Variants in SLC35A3 observed in about 807,000 individuals in gnomAD.
SLC35A3 encodes the protein solute carrier family 35 member A3.
In SLC35A3, 26 loss-of-function variants were observed where a neutral mutation model predicts 39.0. That is an observed-to-expected ratio of 0.67 (90% confidence interval 0.49 to 0.92). The LOEUF is 0.92. SLC35A3 is among the 40% of genes least tolerant of loss of function. The pLI, the probability that SLC35A3 is intolerant of heterozygous loss-of-function variation, is 0.00. For missense variants in SLC35A3, 299 were observed against 371.6 expected (o/e 0.80, Z 1.61); for synonymous variants, 135 against 133.1 (o/e 1.01, Z -0.10).
rs545856330 is a variant in SLC35A3, at chr1:99,984,287, A to G, written c.-18-9250A>G. Among the ~76,000 whole-genome samples, 6 of 152,348 alleles carry G rather than the reference A, an allele frequency of 3.9e-5. No individual in the cohort carries two copies. In the East Asian group the frequency reaches 1.2e-3, roughly 29 times the overall value. On this transcript the variant is annotated intron_variant, in intron 1 of 7. Coordinates refer to ENST00000533028, the MANE Select transcript of SLC35A3 (RefSeq NM_012243.3). ...GAATAGACTTAGAGTTGTAGATTAA[A>G]GGGGCCTTTGCATCCTCATAGCTTA... is the stretch of plus-strand genomic sequence containing the variant.
intron 3 of SLC35A3, chr1:100,000,671 T>C (rs1658711601): frequency 6.6e-6 from 1 of 152,202 alleles, no homozygotes; most frequent in Admixed American, 6.5e-5. Context: ...TTGTTTGTCA[T>C]CCTTATGCAG....
At chr1:99,974,909 T>C (rs1185345132) in intron 1 of SLC35A3, 6 of 152,150 alleles carry the variant, frequency 3.9e-5, no homozygotes, top group African/African-American at 1.4e-4. Flanking sequence ...TTACAGTTAT[T>C]AGAAAACATT....
At chr1:100,003,416 C>CAAAAA (rs34020224) in intron 3 of SLC35A3, among the ~76,000 whole-genome samples, 34 of 56,958 alleles carry the variant, frequency 6.0e-4, no homozygotes, top group Non-Finnish European at 7.5e-4. Context: ...AACTCCATCT[C>CAAAAA]AAAAAAAAAA....
chr1:100,027,115 CAT>C lies in SLC35A3; in HGVS notation c.*4640_*4641del, dbSNP rs1320310291. 1 of 398,378 alleles carries C rather than the reference CAT, an allele frequency of 2.5e-6. No homozygotes were observed. Among genetic ancestry groups the C allele is most frequent in the African/African-American group, 2.1e-5 (1 of 48,614 alleles). The allele number at this position is 398,378 out of a possible 1,614,324, so 24.7% of individuals were successfully genotyped here. Reference sequence around the variant, plus strand: ...CTCTGTAGTATCTCTATCACTGTCACATGTGATCTTTCTTCCTTTTCTCTAGC... The same window carrying C: ...CTCTGTAGTATCTCTATCACTGTCACGTGATCTTTCTTCCTTTTCTCTAGC... On this transcript the variant is annotated 3_prime_UTR_variant, in exon 8 of 8. Transcript: ENST00000533028.
chr1:100,017,156 A>C (rs1660207983), intron 6 of SLC35A3, among the ~76,000 whole-genome samples: 1 of 152,192 alleles, frequency 6.6e-6, no homozygotes, highest in African/African-American at 2.4e-5. Context: ...GGGATTAGGT[A>C]AGTTCTTTCT....
chr1:99,979,253 A>G (rs996094914), intron 1 of SLC35A3, among the ~76,000 whole-genome samples: 1 of 152,104 alleles, frequency 6.6e-6, no homozygotes, highest in African/African-American at 2.4e-5. Context: ...GCCTCACTCC[A>G]TCTGGTTGCT....
At chr1:100,004,476 A>G (rs1192765528) in intron 3 of SLC35A3, among the ~76,000 whole-genome samples, 10 of 151,672 alleles carry the variant, frequency 6.6e-5, no homozygotes, top group East Asian at 1.9e-4. Context: ...TAACTTTCAT[A>G]TTTTTTTAGA....
Position 100,032,637 on chromosome 1 carries a change from C to T in SLC35A3, c.*10161C>T, listed in dbSNP as rs1661307964. On this transcript the variant is annotated 3_prime_UTR_variant, in exon 8 of 8. Transcript: ENST00000533028. ...CTCGGCTCACTGCAACCTCCACCCT[C>T]CGGGTTCAAATGATTCTCCTTCCTC... 1 of 152,208 alleles carries T rather than the reference C, an allele frequency of 6.6e-6. No homozygotes were observed. The highest frequency in any genetic ancestry group is 6.5e-5 in the Admixed American group (1 of 15,282). 9.4% of individuals were successfully genotyped at this position (152,208 alleles called of 1,614,324 possible). A position where few individuals can be genotyped will look rare whatever the true frequency, so the allele number is the denominator to read the frequency against.
chr1:100,008,380 T>C (rs1164333329), intron 4 of SLC35A3: 1 of 152,202 alleles, frequency 6.6e-6, no homozygotes, highest in Non-Finnish European at 1.5e-5. Context: ...GTATTTTAAA[T>C]TAGAAAGTTA....
At chr1:99,994,350 ATTTT>A (rs1345411062) in intron 2 of SLC35A3, among the ~76,000 whole-genome samples, 4 of 131,388 alleles carry the variant, frequency 3.0e-5, no homozygotes, top group Non-Finnish European at 6.6e-5. Flanking sequence ...TTTATCTAAA[ATTTT>A]TTATCTAAAT....
chr1:100,006,911 T>C (rs1570608843), intron 3 of SLC35A3, 123 bp from the exon 4 acceptor site: 1 of 1,148,432 alleles, frequency 8.7e-7, no homozygotes, highest in Non-Finnish European at 1.2e-6. Flanking sequence ...AGATTCCAGT[T>C]CCCAGCCAGA....
At chr1:100,017,878 G>A (rs907333653) in intron 7 of SLC35A3, 63 bp downstream of exon 7, 1 of 991,532 alleles carries the variant, frequency 1.0e-6, no homozygotes, top group East Asian at 2.9e-5. Flanking sequence ...AGAATTCTTT[G>A]TAAGGTGATC....
chr1:99,979,350 A>C (rs1219563039), intron 1 of SLC35A3, among the ~76,000 whole-genome samples: 2 of 151,764 alleles, frequency 1.3e-5, no homozygotes, highest in Non-Finnish European at 2.9e-5. Context: ...CTAATATCAC[A>C]GGACAGCATT....
intron 1 of SLC35A3, among the ~76,000 whole-genome samples, chr1:99,979,600 A>C (rs1431889714): frequency 2.0e-5 from 3 of 150,822 alleles, no homozygotes; most frequent in African/African-American, 7.3e-5. Context: ...CGCCCGGCTA[A>C]TTTTTTATAT....
intron 2 of SLC35A3, among the ~76,000 whole-genome samples, chr1:99,996,155 T>C (rs1570591877): frequency 1.3e-5 from 2 of 152,228 alleles, no homozygotes; most frequent in East Asian, 3.9e-4. Context: ...GACCTTACTA[T>C]TGTGAATGAT....
rs2101546156 is a variant in SLC35A3 at position 100,029,683 on chromosome 1, G to C, written c.*7207G>C. On this transcript the variant is annotated 3_prime_UTR_variant, in exon 8 of 8. Coordinates refer to ENST00000533028, the MANE Select transcript of SLC35A3 (RefSeq NM_012243.3). Reference sequence around the variant, plus strand: ...TGACCTCAGGTGATCTGCCGGCCTTGGCCTCCCAAAGTGCTGGGATTACAG... The same window carrying C: ...TGACCTCAGGTGATCTGCCGGCCTTCGCCTCCCAAAGTGCTGGGATTACAG... The C allele has an allele frequency of 6.6e-6, 1 of 152,146 alleles. No homozygotes were observed. Among genetic ancestry groups the C allele is most frequent in the East Asian group, 1.9e-4 (1 of 5,184 alleles). 9.4% of individuals were successfully genotyped at this position (152,146 alleles called of 1,614,324 possible).
chr1:100,029,207 G>C lies in SLC35A3; in HGVS notation c.*6731G>C, dbSNP rs1661090804. ...ATCAAGACTTCAGGGCCTCACCATAGGTTATCTCGTTAGCATAAACTGTCA... is the reference window on the plus strand; with the variant it reads ...ATCAAGACTTCAGGGCCTCACCATACGTTATCTCGTTAGCATAAACTGTCA... On this transcript the variant is annotated 3_prime_UTR_variant, in exon 8 of 8. Transcript: ENST00000533028. The C allele has an allele frequency of 6.6e-6, 1 of 152,090 alleles. No individual in the cohort carries two copies. Among genetic ancestry groups the C allele is most frequent in the Non-Finnish European group, 1.5e-5 (1 of 68,014 alleles). The allele number at this position is 152,090 out of a possible 1,614,324, so 9.4% of individuals were successfully genotyped here. A position where few individuals can be genotyped will look rare whatever the true frequency, so the allele number is the denominator to read the frequency against.
intron 1 of SLC35A3, among the ~76,000 whole-genome samples, chr1:99,987,500 C>T (rs995325724): frequency 1.3e-5 from 2 of 152,022 alleles, no homozygotes; most frequent in South Asian, 4.1e-4. Context: ...TCCTTATATT[C>T]ATGGTGCTGC....
chr1:100,014,384 C>T (rs571384556), intron 5 of SLC35A3, among the ~76,000 whole-genome samples: 2 of 152,230 alleles, frequency 1.3e-5, no homozygotes, highest in South Asian at 4.1e-4. Context: ...CCACACCTAA[C>T]TAATTTAAAA....
Sources: allele counts gnomAD v4.1 joint callset (sites outside exome capture counted in the v4.1 genomes callset), GRCh38; gene constraint gnomAD v4.1.1; transcripts MANE v1.5; gene names NCBI Gene and HGNC (gene_info 2026-07-23, HGNC 2026-07-21).